RPAP2: variants seen among roughly 807,000 people sequenced by gnomAD.
The protein encoded by RPAP2 is putative RNA polymerase II subunit B1 CTD phosphatase RPAP2.
RPAP2 carries 52 observed loss-of-function variants against 73.1 expected under a neutral mutation model. The ratio of observed to expected loss-of-function variants is 0.71; its 90% CI spans 0.57 to 0.90. The LOEUF is 0.90. Ranked by LOEUF, RPAP2 falls within the 40% of genes least tolerant of loss-of-function variation. The probability of loss-of-function intolerance (pLI) is 0.00; values close to 1 mark genes in which losing one functional copy is unlikely to be tolerated. For missense variants in RPAP2, 598 were observed against 701.8 expected (o/e 0.85, Z 1.67); for synonymous variants, 225 against 242.1 (o/e 0.93, Z 0.65).
chr1:92,380,841 C>T lies in RPAP2; in HGVS notation c.1806C>T (p.Thr602=). ...HLKNEDLESL[T]IIFRTSCLPE The stretch of plus-strand genomic sequence containing the variant: ...AAAATGAAGACCTTGAAAGTCTAAC[C>T]ATCATATTTAGAACCAGCTGTTTAC... Residue 602 remains threonine, a synonymous_variant, in exon 12 of 13, where the codon ACC becomes ACT. Transcript: ENST00000610020. The T allele has an allele frequency of 1.3e-6, 2 of 1,596,264 alleles. No homozygotes were observed. The highest frequency in any genetic ancestry group is 1.7e-6 in the Non-Finnish European group (2 of 1,173,826).
intron 10 of RPAP2, among the ~76,000 whole-genome samples, chr1:92,342,301 G>A (rs1315496102): frequency 3.3e-5 from 5 of 152,172 alleles, no homozygotes; most frequent in Admixed American, 3.3e-4. Flanking sequence ...GGAATTAGCA[G>A]GTGCAAAGAC....
intron 1 of RPAP2, among the ~76,000 whole-genome samples, chr1:92,299,976 C>A (rs906699198): frequency 5.9e-5 from 9 of 152,244 alleles, no homozygotes; most frequent in Non-Finnish European, 1.0e-4. Context: ...ATGGTACAGC[C>A]TACTTACACA....
intron 5 of RPAP2, among the ~76,000 whole-genome samples, chr1:92,306,870 A>T (rs924944075): frequency 6.6e-6 from 1 of 152,246 alleles, no homozygotes; most frequent in Non-Finnish European, 1.5e-5. Context: ...CCATTCAAAA[A>T]AATGTTTAAA....
At chr1:92,355,640 A>G (rs2101360917) in intron 11 of RPAP2, among the ~76,000 whole-genome samples, 1 of 152,284 alleles carries the variant, frequency 6.6e-6, no homozygotes. Context: ...GAACACCCCC[A>G]AGATGCCTTC....
At chr1:92,302,047 A>G (rs1226581095) in intron 3 of RPAP2, among the ~76,000 whole-genome samples, 1 of 152,156 alleles carries the variant, frequency 6.6e-6, no homozygotes, top group Non-Finnish European at 1.5e-5. Flanking sequence ...TTGGGAGGCT[A>G]AGGCAGGCGG....
chr1:92,358,576 G>A (rs191936973), intron 11 of RPAP2, among the ~76,000 whole-genome samples: 12 of 151,916 alleles, frequency 7.9e-5, no homozygotes, highest in Admixed American at 7.9e-4. Context: ...AATTTTTAGG[G>A]GCTGGCTCAT....
rs1655932277 is a variant in RPAP2 at position 92,388,203 on chromosome 1, A to C, written c.*1192A>C. 1 of 152,212 alleles carries C rather than the reference A, an allele frequency of 6.6e-6. No individual in the cohort carries two copies. The highest frequency in any genetic ancestry group is 1.5e-5 in the Non-Finnish European group (1 of 68,042). The allele number at this position is 152,212 out of a possible 1,614,324, so 9.4% of individuals were successfully genotyped here. ...CAAAGAGAATTAAATACTTAGGAAT[A>C]AATTTAACAAAATAAGTATAAGACT... is the stretch of plus-strand genomic sequence containing the variant. On this transcript the variant is annotated 3_prime_UTR_variant, in exon 13 of 13. Transcript: ENST00000610020.
At chr1:92,330,749 G>A (rs1652918653) in intron 8 of RPAP2, among the ~76,000 whole-genome samples, 1 of 152,120 alleles carries the variant, frequency 6.6e-6, no homozygotes. Flanking sequence ...ACCACGCCTG[G>A]CCTGTGGGTA....
At chr1:92,357,994 A>G (rs936006884) in intron 11 of RPAP2, among the ~76,000 whole-genome samples, 4 of 152,166 alleles carry the variant, frequency 2.6e-5, no homozygotes, top group Non-Finnish European at 5.9e-5. Flanking sequence ...TGGCGTGATC[A>G]TAGCCCACTG....
At chr1:92,329,084 T>C (rs1319592630) in intron 8 of RPAP2, among the ~76,000 whole-genome samples, 2 of 152,142 alleles carry the variant, frequency 1.3e-5, no homozygotes, top group African/African-American at 4.8e-5. Context: ...TTGTATTTTT[T>C]TTAAGTGCGC....
In RPAP2 at chr1:92,389,590, C is replaced by G. The variant is rs1168932237; in HGVS notation, c.*2579C>G. ...GCTTCAGAAGGTCGGTAATAACAAA[C>G]TTCTCCAAGCTAAAGGAGCATGTTC... On this transcript the variant is annotated 3_prime_UTR_variant, in exon 13 of 13. Transcript: ENST00000610020. 6.6e-6 allele frequency: 1 copy of G among 152,140 alleles called. No individual in the cohort carries two copies. The highest frequency in any genetic ancestry group is 1.5e-5 in the Non-Finnish European group (1 of 68,024). 9.4% of individuals were successfully genotyped at this position (152,140 alleles called of 1,614,324 possible).
At chr1:92,335,570 T>C (rs1490500209) in intron 9 of RPAP2, among the ~76,000 whole-genome samples, 1 of 152,162 alleles carries the variant, frequency 6.6e-6, no homozygotes, top group African/African-American at 2.4e-5. Flanking sequence ...TCTCTGTGGA[T>C]AAACCTAGAA....
At chr1:92,378,335 G>A (rs1655479981) in intron 11 of RPAP2, among the ~76,000 whole-genome samples, 1 of 152,050 alleles carries the variant, frequency 6.6e-6, no homozygotes, top group Non-Finnish European at 1.5e-5. Context: ...CTCCTGAGTA[G>A]CTAGGATTAC....
Position 92,387,232 on chromosome 1 carries a change from G to A in RPAP2, c.*221G>A, listed in dbSNP as rs531877405. 49 of 384,610 alleles carry A rather than the reference G, an allele frequency of 1.3e-4. No homozygotes were observed. The South Asian group carries it at 4.8e-3, about 38-fold the overall frequency. 23.8% of individuals were successfully genotyped at this position (384,610 alleles called of 1,614,324 possible). On this transcript the variant is annotated 3_prime_UTR_variant, in exon 13 of 13. Coordinates refer to ENST00000610020, the MANE Select transcript of RPAP2 (RefSeq NM_024813.3). ...TCATTACTCCAACAAGAATAACCAA[G>A]TCTTTGTATCCCTAGTACAAGACAT...
chr1:92,376,187 A>G (rs1655381211), intron 11 of RPAP2, among the ~76,000 whole-genome samples: 1 of 152,066 alleles, frequency 6.6e-6, no homozygotes, highest in Non-Finnish European at 1.5e-5. Flanking sequence ...GAGGATGTGC[A>G]TAGGTTATAT....
At chr1:92,345,735 T>TA (rs1005956189) in intron 10 of RPAP2, 111 bp from the exon 11 acceptor site, 62 of 644,258 alleles carry the variant, frequency 9.6e-5, no homozygotes, top group South Asian at 5.1e-4. Context: ...ACAAGTATTT[T>TA]AAAAAAAAGT....
rs891896776 is a variant in RPAP2 at position 92,398,100 on chromosome 1, T to C, written c.*11089T>C. 2.6e-5 allele frequency: 4 copies of C among 152,180 alleles called. No homozygotes were observed. The highest frequency in any genetic ancestry group is 9.7e-5 in the African/African-American group (4 of 41,428). The allele number at this position is 152,180 out of a possible 1,614,324, so 9.4% of individuals were successfully genotyped here. On this transcript the variant is annotated 3_prime_UTR_variant, in exon 13 of 13. Coordinates refer to ENST00000610020, the MANE Select transcript of RPAP2 (RefSeq NM_024813.3). ...AGGCGGTCAAGGCTTCAGTGAGCCATGATTGTGGCACTGCACTCCAGCCTA... is the reference window on the plus strand; with the variant it reads ...AGGCGGTCAAGGCTTCAGTGAGCCACGATTGTGGCACTGCACTCCAGCCTA...
intron 11 of RPAP2, among the ~76,000 whole-genome samples, chr1:92,373,919 CA>C (rs201362354): frequency 1.3e-5 from 2 of 149,658 alleles, no homozygotes. Flanking sequence ...AACTTGGTCT[CA>C]AAAAAAAATA....
chr1:92,345,379 TA>T (rs57025975), intron 10 of RPAP2, among the ~76,000 whole-genome samples: 24,222 of 73,694 alleles, frequency 0.33, 2,989 homozygotes, highest in Non-Finnish European at 0.37. Flanking sequence ...CCCGTTTCTT[TA>T]AAAAAAAAAA....
Sources: allele counts gnomAD v4.1 joint callset (sites outside exome capture counted in the v4.1 genomes callset), GRCh38; gene constraint gnomAD v4.1.1; transcripts MANE v1.5; gene names NCBI Gene and HGNC (gene_info 2026-07-23, HGNC 2026-07-21).